Variants in CRYBG1 observed in about 807,000 individuals in gnomAD.
CRYBG1 encodes beta/gamma crystallin domain-containing protein 1.
In CRYBG1, 139 loss-of-function variants were observed where a neutral mutation model predicts 189.2. That is an observed-to-expected ratio of 0.73 (90% confidence interval 0.64 to 0.85). CRYBG1 has a LOEUF of 0.85. Among genes scored for constraint, CRYBG1 ranks in the 40% least tolerant of loss-of-function variants. The probability of loss-of-function intolerance (pLI) is 0.00; values close to 1 mark genes in which losing one functional copy is unlikely to be tolerated. For missense variants in CRYBG1, 2,611 were observed against 2,675.8 expected, an observed-to-expected ratio of 0.98 and a Z score of 0.53; for synonymous variants, 1,023 against 1,017.1, an observed-to-expected ratio of 1.01 and a Z score of -0.11.
At chr6:106,451,944 GTATATCATAAATTATA>G (rs1771789396) in intron 2 of CRYBG1, 112 bp downstream of exon 2, 2 of 678,052 alleles carry the variant, frequency 2.9e-6, no homozygotes, top group African/African-American at 1.9e-5. Flanking sequence ...GGTATATATT[GTATATCATAAATTATA>G]TATATCATAT....
At chr6:106,445,595 G>A (rs1404726707) in intron 1 of CRYBG1, among the ~76,000 whole-genome samples, 2 of 152,184 alleles carry the variant, frequency 1.3e-5, no homozygotes, top group African/African-American at 4.8e-5. Flanking sequence ...TACTTATTGA[G>A]AACCTACTAT....
intron 11 of CRYBG1, 122 bp downstream of exon 11, chr6:106,543,719 T>C: frequency 8.9e-7 from 1 of 1,117,774 alleles, no homozygotes; most frequent in South Asian, 1.5e-5. Flanking sequence ...TTGACAGTTA[T>C]ATCCACATTC....
intron 1 of CRYBG1, among the ~76,000 whole-genome samples, chr6:106,422,362 C>A (rs956536977): frequency 5.1e-4 from 23 of 44,780 alleles, no homozygotes; most frequent in Admixed American, 5.0e-3. Context: ...GACATGGTCT[C>A]ACTTGGTCAC....
intron 20 of CRYBG1, among the ~76,000 whole-genome samples, chr6:106,562,376 C>T (rs1774746104): frequency 6.6e-6 from 1 of 152,190 alleles, no homozygotes; most frequent in South Asian, 2.1e-4. Flanking sequence ...TGTCTTTCAG[C>T]AGTTATTTCT....
chr6:106,419,804 G>C (rs1321153343), intron 1 of CRYBG1, among the ~76,000 whole-genome samples: 1 of 152,156 alleles, frequency 6.6e-6, no homozygotes, highest in Non-Finnish European at 1.5e-5. Flanking sequence ...TTATAATCAA[G>C]AATCTTGAGG....
chr6:106,530,202 A>C lies in CRYBG1; in HGVS notation c.4605A>C (p.Leu1535Phe), dbSNP rs1562107065. Reference sequence around the variant, plus strand: ...ATTACAGAGTTAGTCACATTGACTTATTTACTGAACCAGAAGGGTTAGGAA... The same window carrying C: ...ATTACAGAGTTAGTCACATTGACTTCTTTACTGAACCAGAAGGGTTAGGAA... The part of the protein sequence containing the change: ...VQDYRVSHID[L>F]FTEPEGLGIL... The change falls in exon 8 of 22, where the codon TTA becomes TTC. Residue 1535 changes from leucine to phenylalanine, a missense_variant. Leu to Phe is a conservative substitution (Grantham distance 22). Coordinates refer to ENST00000633556, the MANE Select transcript of CRYBG1 (RefSeq NM_001371242.2). The C allele has an allele frequency of 6.2e-7, 1 of 1,612,702 alleles. No individual in the cohort carries two copies. Among genetic ancestry groups the C allele is most frequent in the Admixed American group, 1.7e-5 (1 of 59,734 alleles).
Position 106,555,752 on chromosome 6 carries a change from G to T in CRYBG1, c.5586-16G>T. ...GTTGCATATTCTGTGCATGTGTGTG[G>T]TTTTTCCCATTGTAGCTGGGTTGTA... On this transcript the variant is annotated splice_polypyrimidine_tract_variant and intron_variant, in intron 16 of 21. Transcript: ENST00000633556. 6.2e-7 allele frequency: 1 copy of T among 1,613,948 alleles called. No individual in the cohort carries two copies. The highest frequency in any genetic ancestry group is 8.5e-7 in the Non-Finnish European group (1 of 1,179,914).
intron 1 of CRYBG1, among the ~76,000 whole-genome samples, chr6:106,369,189 T>C (rs1769964291): frequency 6.6e-6 from 1 of 152,208 alleles, no homozygotes; most frequent in Non-Finnish European, 1.5e-5. Context: ...ATTTGCAGTG[T>C]CCCCGACCTC....
intron 2 of CRYBG1, chr6:106,457,119 G>A (rs953984150): frequency 1.3e-5 from 2 of 152,108 alleles, no homozygotes; most frequent in African/African-American, 4.8e-5. Flanking sequence ...ATCTAAAATG[G>A]GTTAATTTAT....
chr6:106,428,181 T>A (rs1771262603), intron 1 of CRYBG1, among the ~76,000 whole-genome samples: 1 of 152,226 alleles, frequency 6.6e-6, no homozygotes, highest in Non-Finnish European at 1.5e-5. Flanking sequence ...AGAAGTAAGC[T>A]CCCTGATGGT....
At chr6:106,465,234 T>C (rs6922780) in intron 2 of CRYBG1, among the ~76,000 whole-genome samples, 83,868 of 152,054 alleles carry the variant, frequency 0.55, 23,226 homozygotes, top group Middle Eastern at 0.66. Flanking sequence ...TATTGACACC[T>C]ATTACAGTGC....
At chr6:106,509,999 A>G (rs1773212872) in intron 2 of CRYBG1, among the ~76,000 whole-genome samples, 1 of 152,120 alleles carries the variant, frequency 6.6e-6, no homozygotes, top group African/African-American at 2.4e-5. Context: ...TCCCATCGCC[A>G]AAGTCCATTT....
intron 21 of CRYBG1, among the ~76,000 whole-genome samples, chr6:106,565,762 A>G (rs1774866259): frequency 1.3e-5 from 2 of 152,232 alleles, no homozygotes; most frequent in South Asian, 2.1e-4. Flanking sequence ...AGATTTGTCA[A>G]TATGTAGACA....
At chr6:106,499,156 G>T (rs12193639) in intron 2 of CRYBG1, among the ~76,000 whole-genome samples, 81,366 of 117,648 alleles carry the variant, frequency 0.69, 26,625 homozygotes, top group African/African-American at 0.8. Context: ...TTGTTTGTTT[G>T]TTTTTTGCTT....
At position 106,553,475 on chromosome 6, in the gene CRYBG1, A is replaced by G. The variant is rs1168205180; in HGVS notation, c.5493A>G (p.Pro1831=). ...CAAAGATTCACTTGTTTTCAGAACC[A>G]CAGTTTCAAGGTCACAGTCAAAGTT... is the stretch of plus-strand genomic sequence containing the variant. The part of the protein sequence containing the change: ...RRNQIHLFSE[P]QFQGHSQSFE... Residue 1831 remains proline (P), a synonymous_variant, in exon 16 of 22, where the codon CCA becomes CCG. Transcript: ENST00000633556. The G allele has an allele frequency of 6.2e-7, 1 of 1,612,444 alleles. No individual in the cohort carries two copies. The highest frequency in any genetic ancestry group is 1.1e-5 in the South Asian group (1 of 90,986).
chr6:106,455,191 T>C (rs1287587647), intron 2 of CRYBG1, among the ~76,000 whole-genome samples: 1 of 152,156 alleles, frequency 6.6e-6, no homozygotes, highest in Non-Finnish European at 1.5e-5. Flanking sequence ...TTTAAAATAT[T>C]TATATTTCTA....
At chr6:106,518,779 C>T (rs928501440) in intron 3 of CRYBG1, among the ~76,000 whole-genome samples, 3 of 152,002 alleles carry the variant, frequency 2.0e-5, no homozygotes, top group African/African-American at 7.3e-5. Flanking sequence ...GTGACATAGA[C>T]CCCATTCTAC....
At chr6:106,539,888 G>A (rs1774091344) in intron 9 of CRYBG1, among the ~76,000 whole-genome samples, 1 of 152,186 alleles carries the variant, frequency 6.6e-6, no homozygotes, top group Non-Finnish European at 1.5e-5. Context: ...AGTTGTGGGT[G>A]ATGTGACAGA....
At chr6:106,414,723 A>G (rs1292784729) in intron 1 of CRYBG1, among the ~76,000 whole-genome samples, 1 of 152,218 alleles carries the variant, frequency 6.6e-6, no homozygotes, top group Non-Finnish European at 1.5e-5. Context: ...AAGAAATTGG[A>G]GGAGTACAAC....
Sources: allele counts gnomAD v4.1 joint callset (sites outside exome capture counted in the v4.1 genomes callset), GRCh38; gene constraint gnomAD v4.1.1; transcripts MANE v1.5; gene names NCBI Gene and HGNC (gene_info 2026-07-23, HGNC 2026-07-21).